The following GINS2 variants were observed in gnomAD, a reference collection of about 807,000 sequenced individuals.
GINS2 encodes the protein GINS complex subunit 2.
Under a neutral mutation model 21.2 loss-of-function variants are expected in GINS2, and 23 were observed. The ratio of observed to expected loss-of-function variants is 1.08; its 90% CI spans 0.78 to 1.53. The LOEUF is 1.53. Ranked by LOEUF, GINS2 falls within the 40% of genes most tolerant of loss-of-function variation. The pLI is 0.00. For synonymous variants in GINS2, 118 were observed against 85.6 expected, an observed-to-expected ratio of 1.38 and a Z score of -2.09; for missense variants, 323 against 233.9, an observed-to-expected ratio of 1.38 and a Z score of -2.49.
At chr16:85,685,966 T>C (rs2053773633) in intron 2 of GINS2, among the ~76,000 whole-genome samples, 1 of 151,668 alleles carries the variant, frequency 6.6e-6, no homozygotes, top group African/African-American at 2.4e-5. Flanking sequence ...ATTCTATATG[T>C]ATGACCATAC....
intron 2 of GINS2, 102 bp downstream of exon 2, chr16:85,687,358 A>T: frequency 1.6e-6 from 1 of 609,506 alleles, no homozygotes; most frequent in Non-Finnish European, 2.9e-6. Flanking sequence ...GGGAGCACGG[A>T]CCTAGTCAGG....
chr16:85,686,431 AAG>A (rs1491521388), intron 2 of GINS2, among the ~76,000 whole-genome samples: 4 of 151,960 alleles, frequency 2.6e-5, no homozygotes, highest in African/African-American at 9.7e-5. Flanking sequence ...AAAAAAAAAA[AAG>A]TATACAAGTT....
intron 3 of GINS2, among the ~76,000 whole-genome samples, chr16:85,680,512 A>T (rs778023224): frequency 3.2e-4 from 48 of 152,138 alleles, no homozygotes; most frequent in Non-Finnish European, 4.9e-4. Context: ...CTTCTTCACT[A>T]GTTTCACTTT....
intron 2 of GINS2, among the ~76,000 whole-genome samples, chr16:85,687,222 A>T (rs550729094): frequency 6.6e-6 from 1 of 152,394 alleles, no homozygotes; most frequent in South Asian, 2.1e-4. Flanking sequence ...CCCGTCTCAA[A>T]AAACAAACTA....
intron 2 of GINS2, among the ~76,000 whole-genome samples, chr16:85,686,581 C>G (rs2053779557): frequency 6.6e-6 from 1 of 152,086 alleles, no homozygotes; most frequent in South Asian, 2.1e-4. Context: ...CCTCCATCAC[C>G]CAAAGCAAGA....
At chr16:85,685,679 A>AAAAAAAAAAAAAAAAAC (rs1567792804) in intron 2 of GINS2, among the ~76,000 whole-genome samples, 41 of 144,224 alleles carry the variant, frequency 2.8e-4, no homozygotes, top group African/African-American at 1.1e-3. Context: ...TCAAAAAAAA[A>AAAAAAAAAAAAAAAAAC]AAAAAAAAAA....
At chr16:85,684,233 C>T (rs377536908) in intron 2 of GINS2, among the ~76,000 whole-genome samples, 2 of 152,164 alleles carry the variant, frequency 1.3e-5, no homozygotes, top group East Asian at 3.8e-4. Context: ...ACTCAAGAAG[C>T]AGAAGTGGGA....
intron 3 of GINS2, 75 bp from the exon 4 acceptor site, chr16:85,678,741 T>C (rs1376905200): frequency 2.4e-5 from 34 of 1,399,696 alleles, no homozygotes; most frequent in Non-Finnish European, 3.3e-5. Flanking sequence ...GTGGCTCTTT[T>C]CAGGCAAAAT....
intron 2 of GINS2, among the ~76,000 whole-genome samples, chr16:85,684,686 C>T (rs553467718): frequency 2.0e-5 from 3 of 151,210 alleles, no homozygotes; most frequent in East Asian, 1.9e-4. Flanking sequence ...GTGTTGAGAA[C>T]GTAAACAGGT....
In GINS2 at chr16:85,677,563, G is replaced by C. The variant is rs1419640288; in HGVS notation, c.*649C>G. The C allele has an allele frequency of 6.6e-6, 1 of 152,268 alleles. No individual in the cohort carries two copies. The highest frequency in any genetic ancestry group is 1.5e-5 in the Non-Finnish European group (1 of 68,092). 9.4% of individuals were successfully genotyped at this position (152,268 alleles called of 1,614,324 possible). A position where few individuals can be genotyped will look rare whatever the true frequency, so the allele number is the denominator to read the frequency against. Reference sequence around the variant, plus strand: ...GAGACACCCCAGGTGTTGGTCTGCAGTTTCCACTTAACTGCCGTGTGCCTC... The same window carrying C: ...GAGACACCCCAGGTGTTGGTCTGCACTTTCCACTTAACTGCCGTGTGCCTC... On this transcript the variant is annotated 3_prime_UTR_variant, in exon 5 of 5. Coordinates refer to ENST00000253462, the MANE Select transcript of GINS2 (RefSeq NM_016095.3).
chr16:85,687,417 C>T (rs769365897), intron 2 of GINS2, 43 bp downstream of exon 2: 3 of 1,246,604 alleles, frequency 2.4e-6, no homozygotes, highest in Admixed American at 5.2e-5. Context: ...CACCCCAAGC[C>T]CAGCCCCACC....
chr16:85,678,677 A>C lies in GINS2; in HGVS notation c.306-11T>G. Reference sequence around the variant, plus strand: ...ATGTTGTCTGAAGCACTAAAGGAGCAAGGGCTAAAGTCAGTCGGGGAACAC... The same window carrying C: ...ATGTTGTCTGAAGCACTAAAGGAGCCAGGGCTAAAGTCAGTCGGGGAACAC... On this transcript the variant is annotated splice_polypyrimidine_tract_variant and intron_variant, in intron 3 of 4. Transcript: ENST00000253462. The C allele has an allele frequency of 6.2e-7, 1 of 1,612,728 alleles. No individual in the cohort carries two copies. Among genetic ancestry groups the C allele is most frequent in the Non-Finnish European group, 8.5e-7 (1 of 1,179,342 alleles).
chr16:85,688,051 G>C (rs1279224599), intron 1 of GINS2: 1 of 153,650 alleles, frequency 6.5e-6, no homozygotes, highest in Non-Finnish European at 1.4e-5. Flanking sequence ...AGAATCACCT[G>C]AACCCGGGAG....
chr16:85,678,056 C>A lies in GINS2; in HGVS notation c.*156G>T. 1.5e-6 allele frequency: 1 copy of A among 679,102 alleles called. No homozygotes were observed. Among genetic ancestry groups the A allele is most frequent in the Non-Finnish European group, 2.5e-6 (1 of 395,764 alleles). 42.1% of individuals were successfully genotyped at this position (679,102 alleles called of 1,614,324 possible). ...GGAGCTAAGTTTTAAGGACTAATCACAAACTTGTTTCTCCAACAACATCCT... is the reference window on the plus strand; with the variant it reads ...GGAGCTAAGTTTTAAGGACTAATCAAAAACTTGTTTCTCCAACAACATCCT... On this transcript the variant is annotated 3_prime_UTR_variant, in exon 5 of 5. Transcript: ENST00000253462.
intron 1 of GINS2, 24 bp downstream of exon 1, chr16:85,688,785 C>T: frequency 6.9e-7 from 1 of 1,449,606 alleles, no homozygotes; most frequent in Non-Finnish European, 9.3e-7. Context: ...GGCCTCCCCT[C>T]CCCACGGCGG....
chr16:85,685,560 A>G (rs1383500194), intron 2 of GINS2, among the ~76,000 whole-genome samples: 2 of 150,978 alleles, frequency 1.3e-5, no homozygotes, highest in East Asian at 3.9e-4. Context: ...AGTCTCAGCT[A>G]CTCCGGAAGC....
intron 1 of GINS2, chr16:85,687,883 T>A (rs978368036): frequency 4.4e-6 from 1 of 224,914 alleles, no homozygotes; most frequent in African/African-American, 2.3e-5. Context: ...ACACCCAATG[T>A]TGGGGTCCTG....
chr16:85,679,780 C>T (rs573798081), intron 3 of GINS2, among the ~76,000 whole-genome samples: 11 of 152,214 alleles, frequency 7.2e-5, no homozygotes, highest in Non-Finnish European at 1.6e-4. Context: ...AGATCCTCTC[C>T]CTTCCAGCTA....
intron 4 of GINS2, 93 bp from the exon 5 acceptor site, chr16:85,678,430 T>C (rs1336823411): frequency 1.5e-5 from 23 of 1,554,164 alleles, no homozygotes; most frequent in Non-Finnish European, 1.9e-5. Context: ...ACCAATGAAC[T>C]GTTGAAAAGC....
Sources: allele counts gnomAD v4.1 joint callset (sites outside exome capture counted in the v4.1 genomes callset), GRCh38; gene constraint gnomAD v4.1.1; transcripts MANE v1.5; gene names NCBI Gene and HGNC (gene_info 2026-07-23, HGNC 2026-07-21).